The following ADGRL3 variants were observed in gnomAD, a reference collection of about 807,000 sequenced individuals.
ADGRL3 encodes adhesion G protein-coupled receptor L3, also known as calcium-independent alpha-latrotoxin receptor 3.
A neutral mutation model predicts 153.5 loss-of-function variants in ADGRL3; 62 were observed. The observed-to-expected ratio is 0.40, with a 90% confidence interval of 0.33 to 0.50. The LOEUF (loss-of-function observed/expected upper bound fraction) is 0.50. Among genes scored for constraint, ADGRL3 ranks in the 20% least tolerant of loss-of-function variants. ADGRL3 has a pLI of 0.47. For missense variants in ADGRL3, 1,641 were observed against 1,859.4 expected, an observed-to-expected ratio of 0.88 and a Z score of 2.16; for synonymous variants, 710 against 672.5, an observed-to-expected ratio of 1.06 and a Z score of -0.86.
chr4:61,317,489 A>G (rs2150676078), intron 1 of ADGRL3, among the ~76,000 whole-genome samples: 1 of 152,320 alleles, frequency 6.6e-6, no homozygotes, highest in East Asian at 1.9e-4. Context: ...AGGGTTTTAC[A>G]GGAGAGCTGG....
intron 8 of ADGRL3, among the ~76,000 whole-genome samples, chr4:61,746,215 G>C (rs563551470): frequency 4.0e-4 from 61 of 152,150 alleles, no homozygotes; most frequent in African/African-American, 1.4e-3. Context: ...AGCAAGTCCT[G>C]AGTGACCTAC....
chr4:61,404,620 T>C (rs563272944), intron 2 of ADGRL3, among the ~76,000 whole-genome samples: 1 of 152,226 alleles, frequency 6.6e-6, no homozygotes, highest in Admixed American at 6.6e-5. Context: ...GTGAGAACAC[T>C]CTTTAAATAT....
intron 5 of ADGRL3, among the ~76,000 whole-genome samples, chr4:61,651,795 T>A (rs2094266077): frequency 6.6e-6 from 1 of 150,832 alleles, no homozygotes; most frequent in Non-Finnish European, 1.5e-5. Context: ...TTTTTTGTAT[T>A]TTAGTAGAGA....
chr4:62,046,064 T>C (rs1020292497), intron 25 of ADGRL3, among the ~76,000 whole-genome samples: 1 of 151,936 alleles, frequency 6.6e-6, no homozygotes, highest in African/African-American at 2.4e-5. Flanking sequence ...TTTGCTTACA[T>C]ATGACTGATT....
At chr4:61,468,008 T>C (rs948608828) in intron 2 of ADGRL3, among the ~76,000 whole-genome samples, 1 of 152,172 alleles carries the variant, frequency 6.6e-6, no homozygotes, top group Admixed American at 6.6e-5. Context: ...AAATAACCAT[T>C]CTCTAACAGG....
intron 1 of ADGRL3, among the ~76,000 whole-genome samples, chr4:61,358,703 T>A (rs1257988727): frequency 6.6e-6 from 1 of 151,830 alleles, no homozygotes; most frequent in Admixed American, 6.6e-5. Context: ...TTCTGGCATC[T>A]CCCTTAGTTT....
intron 1 of ADGRL3, among the ~76,000 whole-genome samples, chr4:61,250,061 T>C (rs1169739231): frequency 6.6e-6 from 1 of 152,206 alleles, no homozygotes; most frequent in Non-Finnish European, 1.5e-5. Flanking sequence ...CCTTGCATTG[T>C]CTCCCTTCTA....
chr4:62,058,657 G>A (rs1413576526), intron 25 of ADGRL3, among the ~76,000 whole-genome samples: 1 of 152,114 alleles, frequency 6.6e-6, no homozygotes, highest in African/African-American at 2.4e-5. Flanking sequence ...ACCATCGTAT[G>A]TATGTCTTCA....
chr4:61,569,186 C>T (rs2098828542), intron 4 of ADGRL3, among the ~76,000 whole-genome samples: 1 of 152,026 alleles, frequency 6.6e-6, no homozygotes, highest in Non-Finnish European at 1.5e-5. Context: ...AGATTGTCTT[C>T]CTTGGCATTA....
At chr4:61,509,087 G>T (rs2098448065) in intron 3 of ADGRL3, among the ~76,000 whole-genome samples, 1 of 148,666 alleles carries the variant, frequency 6.7e-6, no homozygotes, top group Non-Finnish European at 1.5e-5. Context: ...TTCAAGACGA[G>T]ATTTGGGTGA....
At chr4:61,578,547 T>G (rs1317827555) in intron 4 of ADGRL3, among the ~76,000 whole-genome samples, 1 of 152,096 alleles carries the variant, frequency 6.6e-6, no homozygotes, top group Non-Finnish European at 1.5e-5. Flanking sequence ...TATCATAATC[T>G]TTTATTGCTT....
intron 1 of ADGRL3, among the ~76,000 whole-genome samples, chr4:61,260,579 T>G (rs761388131): frequency 2.0e-5 from 3 of 152,144 alleles, no homozygotes; most frequent in Non-Finnish European, 2.9e-5. Context: ...TTCTAAGAGT[T>G]AAGTAAGATA....
chr4:61,740,525 G>C (rs1463803450), intron 8 of ADGRL3, among the ~76,000 whole-genome samples: 1 of 152,126 alleles, frequency 6.6e-6, no homozygotes, highest in Non-Finnish European at 1.5e-5. Context: ...TGAGAAGAGA[G>C]GTATTTTCTT....
chr4:61,266,552 T>G (rs986842889), intron 1 of ADGRL3, among the ~76,000 whole-genome samples: 2 of 151,796 alleles, frequency 1.3e-5, no homozygotes, highest in Non-Finnish European at 3.0e-5. Flanking sequence ...AATTTGTAGA[T>G]AGGAAATGTT....
chr4:61,463,688 A>G (rs1364588403), intron 2 of ADGRL3, among the ~76,000 whole-genome samples: 1 of 152,202 alleles, frequency 6.6e-6, no homozygotes, highest in Non-Finnish European at 1.5e-5. Flanking sequence ...CATTGAAAAG[A>G]AAAAATACAG....
intron 4 of ADGRL3, chr4:61,583,778 C>T (rs2098935439): frequency 1.9e-6 from 1 of 516,786 alleles, no homozygotes; most frequent in African/African-American, 1.9e-5. Flanking sequence ...CAGCAGATAT[C>T]TATTACACAC....
At chr4:61,754,742 T>A (rs2096800566) in intron 8 of ADGRL3, among the ~76,000 whole-genome samples, 1 of 152,170 alleles carries the variant, frequency 6.6e-6, no homozygotes, top group Non-Finnish European at 1.5e-5. Flanking sequence ...TAACCTTAGG[T>A]ATATCTCCTA....
chr4:61,327,138 A>G (rs1347257825), intron 1 of ADGRL3, among the ~76,000 whole-genome samples: 2 of 151,972 alleles, frequency 1.3e-5, no homozygotes, highest in Admixed American at 6.6e-5. Flanking sequence ...ACTCCTTGCT[A>G]TGATTCTTAA....
intron 17 of ADGRL3, among the ~76,000 whole-genome samples, chr4:61,969,406 A>C (rs1359504304): frequency 6.6e-6 from 1 of 152,142 alleles, no homozygotes; most frequent in East Asian, 1.9e-4. Flanking sequence ...CCTTCTGTCT[A>C]GTCTCAAATT....
Sources: allele counts gnomAD v4.1 joint callset (sites outside exome capture counted in the v4.1 genomes callset), GRCh38; gene constraint gnomAD v4.1.1; transcripts MANE v1.5; gene names NCBI Gene and HGNC (gene_info 2026-07-23, HGNC 2026-07-21).